IARS2: variants seen among roughly 807,000 people sequenced by gnomAD.
IARS2 encodes the protein isoleucine--tRNA ligase, mitochondrial.
A neutral mutation model predicts 126.3 loss-of-function variants in IARS2; 56 were observed. The observed-to-expected ratio is 0.44, with a 90% CI of 0.36 to 0.55. The LOEUF is 0.55. Among genes scored for constraint, IARS2 ranks in the 20% least tolerant of loss-of-function variants. The pLI is 0.00. For synonymous variants in IARS2, 407 were observed against 441.1 expected (o/e 0.92, Z 0.97); for missense variants, 1,127 against 1,245.9 (o/e 0.90, Z 1.44).
Position 220,125,306 on chromosome 1 carries a change from T to C in IARS2, c.1710T>C (p.Pro570=), listed in dbSNP as rs1657130055. The C allele has an allele frequency of 6.2e-7, 1 of 1,613,332 alleles. No homozygotes were observed. The highest frequency in any genetic ancestry group is 1.7e-5 in the Admixed American group (1 of 60,000). Residue 570 remains proline (P), a synonymous_variant, in exon 13 of 23, where the codon CCT becomes CCC. Transcript: ENST00000366922. Reference sequence around the variant, plus strand: ...GTGATATCTGGTGGACTCTTCCCCCTGAACAACTTCTTCCAAAAGAAGTCT... The same window carrying C: ...GTGATATCTGGTGGACTCTTCCCCCCGAACAACTTCTTCCAAAAGAAGTCT... ...HGSDIWWTLP[P]EQLLPKEVLS...
At chr1:220,128,501 C>G (rs542011961) in intron 14 of IARS2, among the ~76,000 whole-genome samples, 1 of 152,254 alleles carries the variant, frequency 6.6e-6, no homozygotes, top group East Asian at 1.9e-4. Flanking sequence ...TAAGTACACT[C>G]TATGATGTTC....
At chr1:220,108,686 A>AT (rs1225448060) in intron 10 of IARS2, among the ~76,000 whole-genome samples, 2 of 148,680 alleles carry the variant, frequency 1.3e-5, no homozygotes, top group African/African-American at 5.0e-5. Flanking sequence ...CACCCGGCCT[A>AT]TTTTTTATTT....
chr1:220,112,124 C>CTTTTTTTTTTTTTTTTTT (rs1279509771), intron 11 of IARS2, among the ~76,000 whole-genome samples: 3 of 114,740 alleles, frequency 2.6e-5, no homozygotes, highest in African/African-American at 1.0e-4. Flanking sequence ...CGACCACCTA[C>CTTTTTTTTTTTTTTTTTT]TTTTTTTTTT....
chr1:220,140,329 G>C (rs903865731), intron 19 of IARS2, 40 bp downstream of exon 19: 16 of 1,254,366 alleles, frequency 1.3e-5, no homozygotes, highest in Middle Eastern at 2.0e-4. Context: ...ACAATGGCCA[G>C]GTGTGGTGAC....
Position 220,125,264 on chromosome 1 carries a change from A to G in IARS2, c.1668A>G (p.Leu556=), listed in dbSNP as rs1305878408. The G allele has an allele frequency of 6.2e-7, 1 of 1,613,416 alleles. No homozygotes were observed. The change falls in exon 13 of 23, where the codon CTA becomes CTG. Residue 556 remains leucine (L), a synonymous_variant. Transcript: ENST00000366922. ...NSQTTEHIVK[L]VEQHGSDIWW... is the part of the protein sequence containing the mutation. ...AAACCACTGAGCATATTGTTAAACT[A>G]GTGGAACAACACGGCAGTGATATCT...
Position 220,125,228 on chromosome 1 carries a change from CT to C in IARS2, c.1641-8del. On this transcript the variant is annotated splice_region_variant and splice_polypyrimidine_tract_variant and intron_variant, in intron 12 of 22. Coordinates refer to ENST00000366922, the MANE Select transcript of IARS2 (RefSeq NM_018060.4). The stretch of plus-strand genomic sequence containing the variant: ...ATTGAATAATTCTGCCATGTCCCCC[CT>C]GAAATAGCCAAACCACTGAGCATAT... The C allele has an allele frequency of 1.3e-6, 2 of 1,572,358 alleles. No individual in the cohort carries two copies. Among genetic ancestry groups the C allele is most frequent in the African/African-American group, 1.3e-5 (1 of 74,290 alleles).
intron 14 of IARS2, among the ~76,000 whole-genome samples, chr1:220,133,843 G>C (rs1657316153): frequency 6.6e-6 from 1 of 151,706 alleles, no homozygotes. Context: ...CCAAAACATG[G>C]ATAGTCTCTT....
At position 220,143,855 on chromosome 1, in the gene IARS2, T is replaced by C. The variant is rs1657534835; in HGVS notation, c.2751+721T>C. On this transcript the variant is annotated intron_variant, in intron 21 of 22. Coordinates refer to ENST00000366922, the MANE Select transcript of IARS2 (RefSeq NM_018060.4). ...CAGATTGGCTTATAGCTTAACATAA[T>C]GATGTGATTTTTCTCCAGTCTAAAT... 4.9e-6 allele frequency: 3 copies of C among 616,714 alleles called. No individual in the cohort carries two copies. In the East Asian group the frequency reaches 8.3e-5, roughly 17 times the overall value. 38.2% of individuals were successfully genotyped at this position (616,714 alleles called of 1,614,324 possible). A position where few individuals can be genotyped will look rare whatever the true frequency, so the allele number is the denominator to read the frequency against.
At chr1:220,098,965 C>T (rs1656509059) in intron 2 of IARS2, among the ~76,000 whole-genome samples, 1 of 151,924 alleles carries the variant, frequency 6.6e-6, no homozygotes, top group Non-Finnish European at 1.5e-5. Flanking sequence ...GTAATCCCAG[C>T]ACTTTGGGAG....
chr1:220,147,651 C>G lies in IARS2; in HGVS notation c.*16C>G. 3 of 1,612,952 alleles carry G rather than the reference C, an allele frequency of 1.9e-6. No homozygotes were observed. The highest frequency in any genetic ancestry group is 2.5e-6 in the Non-Finnish European group (3 of 1,179,254). On this transcript the variant is annotated 3_prime_UTR_variant, in exon 23 of 23. Transcript: ENST00000366922. Reference sequence around the variant, plus strand: ...TGGAAAATAGTATTAACAGCTCACTCGAGCAAGAACCCTCCTGACAGTACT... The same window carrying G: ...TGGAAAATAGTATTAACAGCTCACTGGAGCAAGAACCCTCCTGACAGTACT...
intron 22 of IARS2, among the ~76,000 whole-genome samples, chr1:220,146,638 T>G (rs1230164083): frequency 6.6e-6 from 1 of 151,872 alleles, no homozygotes; most frequent in Non-Finnish European, 1.5e-5. Flanking sequence ...CTTGGCAGCA[T>G]AGACCGTGTA....
chr1:220,116,423 G>A (rs187710099), intron 12 of IARS2, among the ~76,000 whole-genome samples: 97 of 152,122 alleles, frequency 6.4e-4, no homozygotes, highest in Non-Finnish European at 1.2e-3. Flanking sequence ...CTTCCTTTTA[G>A]GAACACATTC....
At chr1:220,110,078 A>G (rs372971014) in intron 10 of IARS2, among the ~76,000 whole-genome samples, 1 of 151,902 alleles carries the variant, frequency 6.6e-6, no homozygotes, top group East Asian at 1.9e-4. Flanking sequence ...TTTGTGAGAC[A>G]GAGTCTCGCT....
At chr1:220,141,308 A>G (rs950323390) in intron 19 of IARS2, among the ~76,000 whole-genome samples, 1 of 152,216 alleles carries the variant, frequency 6.6e-6, no homozygotes, top group East Asian at 1.9e-4. Context: ...TAATATTAGC[A>G]GTATCCTTGT....
chr1:220,114,436 G>GT lies in IARS2; in HGVS notation c.1605dup (p.His536SerfsTer3). 1 of 1,613,876 alleles carries GT rather than the reference G, an allele frequency of 6.2e-7. No homozygotes were observed. On this transcript the variant is annotated frameshift_variant, in exon 12 of 23. Transcript: ENST00000366922. LOFTEE classifies it high-confidence loss of function. The stretch of plus-strand genomic sequence containing the variant: ...GAGTTTGGGGTGTTCCAATTCCTGT[G>GT]TTTCATCATAAGACCAAGGATGAAT...
intron 13 of IARS2, 109 bp downstream of exon 13, chr1:220,125,448 T>C: frequency 1.5e-6 from 1 of 665,426 alleles, no homozygotes; most frequent in Non-Finnish European, 2.6e-6. Flanking sequence ...TTAACAAATT[T>C]ATTTACTGTA....
chr1:220,118,077 T>A (rs1285499609), intron 12 of IARS2: 1 of 436,172 alleles, frequency 2.3e-6, no homozygotes, highest in South Asian at 1.8e-5. Context: ...TGAAAATCTT[T>A]TTTTCTGCTG....
intron 14 of IARS2, among the ~76,000 whole-genome samples, chr1:220,130,750 G>T (rs1215437636): frequency 2.0e-5 from 3 of 152,028 alleles, no homozygotes; most frequent in Non-Finnish European, 2.9e-5. Flanking sequence ...GTAGGGACGG[G>T]GTTTCACCAT....
At chr1:220,103,206 G>T (rs1249813356) in intron 7 of IARS2, among the ~76,000 whole-genome samples, 3 of 151,828 alleles carry the variant, frequency 2.0e-5, no homozygotes, top group Admixed American at 2.0e-4. Flanking sequence ...GCGCCACCAC[G>T]CCAGGCTAAT....
Sources: gnomAD v4.1 joint callset for allele counts (sites outside exome capture counted in the v4.1 genomes callset) on GRCh38, gnomAD v4.1.1 for gene constraint, MANE v1.5 for transcripts, NCBI Gene and HGNC (gene_info 2026-07-23, HGNC 2026-07-21) for gene names.